Variants in RGS17 observed in about 807,000 individuals in gnomAD.
RGS17 encodes the protein regulator of G protein signaling 17, also known as regulator of G-protein signaling 17.
In RGS17, 12 loss-of-function variants were observed where a neutral mutation model predicts 25.5. The ratio of observed to expected loss-of-function variants is 0.47; its 90% CI spans 0.30 to 0.76. The LOEUF (loss-of-function observed/expected upper bound fraction) is 0.76, where lower values mean the gene tolerates loss of function less well. Ranked by LOEUF, RGS17 falls within the 30% of genes least tolerant of loss-of-function variation. The pLI is 0.07. For missense variants in RGS17, 196 were observed against 242.2 expected, an observed-to-expected ratio of 0.81 and a Z score of 1.27; for synonymous variants, 71 against 76.9, an observed-to-expected ratio of 0.92 and a Z score of 0.40.
chr6:153,027,659 T>A (rs1280967404), intron 2 of RGS17, among the ~76,000 whole-genome samples: 1 of 152,164 alleles, frequency 6.6e-6, no homozygotes, highest in African/African-American at 2.4e-5. Context: ...ATTTTACAGA[T>A]GAGCAAAGTG....
intron 2 of RGS17, among the ~76,000 whole-genome samples, chr6:153,040,470 A>G (rs1014149549): frequency 6.6e-6 from 1 of 152,158 alleles, no homozygotes; most frequent in Non-Finnish European, 1.5e-5. Context: ...AGGGTGAGGT[A>G]TTTATATTTA....
Position 153,011,237 on chromosome 6 carries a change from C to A in RGS17, c.*337G>T, listed in dbSNP as rs1386728070. 5.2e-6 allele frequency: 1 copy of A among 193,270 alleles called. No homozygotes were observed. Among genetic ancestry groups the A allele is most frequent in the Non-Finnish European group, 1.0e-5 (1 of 95,772 alleles). 12.0% of individuals were successfully genotyped at this position (193,270 alleles called of 1,614,324 possible). ...TATGCTACTGGATTAAATATTACAA[C>A]AACTATGTGGCAAATGAAGCATTTT... On this transcript the variant is annotated 3_prime_UTR_variant, in exon 5 of 5. Transcript: ENST00000206262.
At chr6:153,054,092 T>TATATATATATATATATA (rs1393844507) in intron 1 of RGS17, among the ~76,000 whole-genome samples, 2 of 42,102 alleles carry the variant, frequency 4.8e-5, no homozygotes, top group African/African-American at 1.2e-4. Flanking sequence ...ACAATATTTT[T>TATATATATATATATATA]TATATATATA....
rs1199800490 is a variant in RGS17, at chr6:153,068,152, A to G, written c.-25-24109T>C. 2.6e-5 allele frequency among the ~76,000 whole-genome samples: 4 copies of G among 152,302 alleles called. No homozygotes were observed. The East Asian group carries it at 5.8e-4, about 22-fold the overall frequency. ...CCCTATCTTTCACCATATACAAAAA[A>G]TCAAATCAAAATGAATTAAAGGTGG... On this transcript the variant is annotated intron_variant, in intron 1 of 4. Coordinates refer to ENST00000206262, the MANE Select transcript of RGS17 (RefSeq NM_012419.5).
chr6:153,027,388 T>G (rs911838911), intron 2 of RGS17, among the ~76,000 whole-genome samples: 1 of 152,056 alleles, frequency 6.6e-6, no homozygotes, highest in Non-Finnish European at 1.5e-5. Context: ...GGTGAGGTCA[T>G]GGGAGATACT....
chr6:153,042,863 T>C (rs867370837), intron 2 of RGS17, among the ~76,000 whole-genome samples: 56 of 152,262 alleles, frequency 3.7e-4, no homozygotes, highest in African/African-American at 1.3e-3. Flanking sequence ...TCAATATATG[T>C]TGGGAAACTG....
chr6:153,049,443 T>C (rs1277645601), intron 1 of RGS17, among the ~76,000 whole-genome samples: 1 of 152,132 alleles, frequency 6.6e-6, no homozygotes, highest in Non-Finnish European at 1.5e-5. Context: ...AAAATCTTAA[T>C]TGTCCTAAAT....
At chr6:153,048,935 G>T (rs554203489) in intron 1 of RGS17, among the ~76,000 whole-genome samples, 3 of 152,200 alleles carry the variant, frequency 2.0e-5, no homozygotes, top group African/African-American at 7.2e-5. Context: ...GTTCATTGTT[G>T]TAACAATGCT....
At chr6:153,098,602 T>C (rs1350820942) in intron 1 of RGS17, among the ~76,000 whole-genome samples, 1 of 152,094 alleles carries the variant, frequency 6.6e-6, no homozygotes, top group African/African-American at 2.4e-5. Flanking sequence ...CTACTTTGCT[T>C]CTCTCCATGA....
intron 1 of RGS17, among the ~76,000 whole-genome samples, chr6:153,117,723 G>A (rs1014305814): frequency 6.6e-5 from 10 of 152,136 alleles, no homozygotes; most frequent in African/African-American, 1.4e-4. Context: ...ATTTTAGGAA[G>A]CATTTACTCC....
intron 1 of RGS17, among the ~76,000 whole-genome samples, chr6:153,051,862 T>G (rs1385444022): frequency 1.3e-5 from 2 of 152,192 alleles, no homozygotes; most frequent in African/African-American, 4.8e-5. Context: ...GAGATTAGTA[T>G]GGTGTGAAGC....
intron 1 of RGS17, among the ~76,000 whole-genome samples, chr6:153,094,128 T>G (rs559339235): frequency 2.6e-5 from 4 of 151,356 alleles, no homozygotes; most frequent in African/African-American, 7.3e-5. Flanking sequence ...CAGGCTGGAG[T>G]GCAGTGGCAT....
rs1779097782 is a variant in RGS17 at position 153,008,264 on chromosome 6, A to T, written c.*3310T>A. 1 of 152,172 alleles carries T rather than the reference A, an allele frequency of 6.6e-6. No homozygotes were observed. The highest frequency in any genetic ancestry group is 2.1e-4 in the South Asian group (1 of 4,838). 9.4% of individuals were successfully genotyped at this position (152,172 alleles called of 1,614,324 possible). On this transcript the variant is annotated 3_prime_UTR_variant, in exon 5 of 5. Coordinates refer to ENST00000206262, the MANE Select transcript of RGS17 (RefSeq NM_012419.5). ...ACCTAGGCAGCATTAAAGGATACTA[A>T]TAAACATCCATGCACTAAGACGGCA...
rs765211060 is a variant in RGS17, at chr6:153,005,729, CTG to C, written c.*5843_*5844del. On this transcript the variant is annotated 3_prime_UTR_variant, in exon 5 of 5. Transcript: ENST00000206262. ...CAAAATACCAGTTTATTTCTCAAAA[CTG>C]TCATCAAAAACAAGGAAAGTTGCAG... The C allele has an allele frequency of 3.9e-5, 6 of 152,194 alleles. No homozygotes were observed. Among genetic ancestry groups the C allele is most frequent in the Non-Finnish European group, 5.9e-5 (4 of 68,060 alleles). The allele number at this position is 152,194 out of a possible 1,614,324, so 9.4% of individuals were successfully genotyped here. A position where few individuals can be genotyped will look rare whatever the true frequency, so the allele number is the denominator to read the frequency against.
chr6:153,061,570 T>C (rs1400741280), intron 1 of RGS17, among the ~76,000 whole-genome samples: 2 of 152,158 alleles, frequency 1.3e-5, no homozygotes, highest in Non-Finnish European at 2.9e-5. Context: ...CCAGAGACTG[T>C]TTCCCCTAAT....
At position 153,011,539 on chromosome 6, in the gene RGS17, C is replaced by G. The variant is rs570892452; in HGVS notation, c.*35G>C. 1.4e-6 allele frequency: 2 copies of G among 1,448,364 alleles called. No homozygotes were observed. The highest frequency in any genetic ancestry group is 2.8e-5 in the African/African-American group (2 of 70,338). The allele number at this position is 1,448,364 out of a possible 1,614,324, so 89.7% of individuals were successfully genotyped here. On this transcript the variant is annotated 3_prime_UTR_variant, in exon 5 of 5. Transcript: ENST00000206262. The stretch of plus-strand genomic sequence containing the variant: ...TTATTTAACTACTTTTATTTCCCAT[C>G]TCAGCCCTCCAAAATGATTGTTTTT...
chr6:153,070,317 C>T (rs2129116868), intron 1 of RGS17, among the ~76,000 whole-genome samples: 1 of 152,118 alleles, frequency 6.6e-6, no homozygotes, highest in East Asian at 1.9e-4. Flanking sequence ...GTTGGTTCAG[C>T]TTTTAGCAAA....
intron 1 of RGS17, among the ~76,000 whole-genome samples, chr6:153,102,649 T>G (rs530534555): frequency 2.6e-5 from 4 of 152,186 alleles, no homozygotes; most frequent in Non-Finnish European, 5.9e-5. Context: ...CAGGCCCCTC[T>G]CTACATGTGG....
chr6:153,085,854 T>C (rs905439041), intron 1 of RGS17, among the ~76,000 whole-genome samples: 1 of 152,120 alleles, frequency 6.6e-6, no homozygotes, highest in African/African-American at 2.4e-5. Context: ...AATCATGAGC[T>C]TACCATGCAG....
Sources: gnomAD v4.1 joint callset for allele counts (sites outside exome capture counted in the v4.1 genomes callset) on GRCh38, gnomAD v4.1.1 for gene constraint, MANE v1.5 for transcripts, NCBI Gene and HGNC (gene_info 2026-07-23, HGNC 2026-07-21) for gene names.